Variants in GSN observed in about 807,000 individuals in gnomAD.
The protein encoded by GSN is gelsolin.
GSN carries 56 observed loss-of-function variants against 85.7 expected under a neutral mutation model. The observed-to-expected ratio is 0.65, with a 90% CI of 0.53 to 0.82. GSN has a LOEUF of 0.82. Ranked by LOEUF, GSN falls within the 40% of genes least tolerant of loss-of-function variation. The pLI is 0.00. For synonymous variants in GSN, 373 were observed against 399.1 expected (o/e 0.93, Z 0.78); for missense variants, 857 against 979.8 (o/e 0.87, Z 1.67).
In GSN at chr9:121,329,008, GT is replaced by G. The variant is rs763056885; in HGVS notation, c.1884del (p.Phe628LeufsTer2). 6 of 1,613,700 alleles carry G rather than the reference GT, an allele frequency of 3.7e-6. No individual in the cohort carries two copies. The highest frequency in any genetic ancestry group is 5.1e-6 in the Non-Finnish European group (6 of 1,180,016). Reference sequence around the variant, plus strand: ...TTTGCCTGCTCCAACAAGATTGGACGTTTTGTGGTGAGCCCCTGCGGAGGTC... The same window carrying G: ...TTTGCCTGCTCCAACAAGATTGGACGTTTGTGGTGAGCCCCTGCGGAGGTC... ...RLFACSNKIG[R>X]FVIEEVPGEL... On this transcript the variant is annotated frameshift_variant, in exon 15 of 18. Coordinates refer to ENST00000432226, the MANE Select transcript of GSN (RefSeq NM_198252.3). LOFTEE classifies it high-confidence loss of function. The surrounding 1 kb of genome is among the most constrained non-coding windows in gnomAD (Gnocchi z 4.6).
Position 121,219,259 on chromosome 9 carries a change from A to ATT in GSN, c.-528+8409_-528+8410dup, listed in dbSNP as rs34899791. Among the ~76,000 whole-genome samples the ATT allele has an allele frequency of 6.0e-4, 80 of 132,736 alleles. 3 individuals are homozygous for ATT. In the East Asian group the frequency reaches 0.015, roughly 25 times the overall value. The allele number at this position is 132,736 out of a possible 152,430, so 87.1% of individuals were successfully genotyped here. ...AATACCAGAAGGTTCAAGTTAGGGGATTTTTTTTTTTTTTTTTTAAATAGA... is the reference window on the plus strand; with the variant it reads ...AATACCAGAAGGTTCAAGTTAGGGGATTTTTTTTTTTTTTTTTTTTAAATAGA... On this transcript the variant is annotated intron_variant, in intron 4 of 24. Transcript: ENST00000373823.
chr9:121,203,899 A>G (rs1212307354), upstream of GSN, among the ~76,000 whole-genome samples: 3 of 152,184 alleles, frequency 2.0e-5, no homozygotes, highest in Non-Finnish European at 4.4e-5. Context: ...TCCTTTTGCA[A>G]CCCTAGAGGT....
At chr9:121,315,613 A>C (rs2061626650) in intron 7 of GSN, among the ~76,000 whole-genome samples, 1 of 151,916 alleles carries the variant, frequency 6.6e-6, no homozygotes, top group South Asian at 2.1e-4. Flanking sequence ...AAAATACAAA[A>C]TATTAGCCAG....
intron 6 of GSN, among the ~76,000 whole-genome samples, chr9:121,250,883 GT>G: frequency 7.3e-6 from 1 of 137,096 alleles, no homozygotes; most frequent in Non-Finnish European, 1.7e-5. Context: ...GTGTGTGTGT[GT>G]GTGTGTGTGT....
chr9:121,226,544 G>A (rs143286360), intron 4 of GSN, among the ~76,000 whole-genome samples: 1 of 152,304 alleles, frequency 6.6e-6, no homozygotes, highest in Non-Finnish European at 1.5e-5. Flanking sequence ...GAACAAGATG[G>A]CACAGGGTTA....
At chr9:121,253,969 C>G (rs79163088) in intron 6 of GSN, among the ~76,000 whole-genome samples, 4,054 of 152,250 alleles carry the variant, frequency 0.027, 192 homozygotes, top group African/African-American at 0.093. Flanking sequence ...GTCTCCTACT[C>G]TTTTGAGAAA....
chr9:121,235,793 C>T (rs1336702051), intron 5 of GSN, among the ~76,000 whole-genome samples: 1 of 152,198 alleles, frequency 6.6e-6, no homozygotes, highest in Non-Finnish European at 1.5e-5. Context: ...ACCCTAAACA[C>T]AAGCAAGGCT....
At chr9:121,289,991 G>A (rs1054609704) in intron 2 of GSN, among the ~76,000 whole-genome samples, 9 of 152,122 alleles carry the variant, frequency 5.9e-5, no homozygotes, top group African/African-American at 2.2e-4. Context: ...GGAAAAGATG[G>A]GGACACCAAA....
At chr9:121,315,625 C>A (rs1035039091) in intron 7 of GSN, among the ~76,000 whole-genome samples, 5 of 152,086 alleles carry the variant, frequency 3.3e-5, no homozygotes, top group Admixed American at 2.6e-4. Flanking sequence ...ATTAGCCAGG[C>A]GTGGTGGCGG....
intron 5 of GSN, among the ~76,000 whole-genome samples, chr9:121,246,133 G>C (rs941232455): frequency 3.9e-5 from 6 of 152,178 alleles, no homozygotes; most frequent in African/African-American, 1.4e-4. Flanking sequence ...GAAAGGAAAG[G>C]TATGTGAACA....
chr9:121,289,558 G>A lies in GSN; in HGVS notation c.-10+7996G>A, dbSNP rs181200515. ...CTGCTGTAGGAGGGGTTGGATGTGC[G>A]GAAGAGGAGGCCGTGGATTGCAGGC... On this transcript the variant is annotated intron_variant, in intron 2 of 17. Transcript: ENST00000432226. 2.6e-5 allele frequency among the ~76,000 whole-genome samples: 4 copies of A among 152,328 alleles called. No individual in the cohort carries two copies. In the East Asian group the frequency reaches 5.8e-4, roughly 22 times the overall value.
At chr9:121,282,406 C>A in intron 2 of GSN, 1 of 1,071,158 alleles carries the variant, frequency 9.3e-7, no homozygotes, top group Non-Finnish European at 1.2e-6. Flanking sequence ...GAAAACACCC[C>A]TCCAACCCAC....
chr9:121,314,305 G>A (rs2061486940), intron 7 of GSN, among the ~76,000 whole-genome samples: 1 of 152,248 alleles, frequency 6.6e-6, no homozygotes, highest in African/African-American at 2.4e-5. Flanking sequence ...CAGAATGGTC[G>A]ACTTTGTAGG....
In GSN at chr9:121,299,271, G is replaced by A. The variant is rs1021058869; in HGVS notation, c.-9-2692G>A. 8.1e-6 allele frequency: 8 copies of A among 984,968 alleles called. No individual in the cohort carries two copies. Among genetic ancestry groups the A allele is most frequent in the Non-Finnish European group, 9.6e-6 (8 of 829,476 alleles). The allele number at this position is 984,968 out of a possible 1,614,324, so 61.0% of individuals were successfully genotyped here. A position where few individuals can be genotyped will look rare whatever the true frequency, so the allele number is the denominator to read the frequency against. On this transcript the variant is annotated intron_variant, in intron 2 of 17. Transcript: ENST00000432226. This position sits in a 1 kb window ranked among gnomAD's most constrained non-coding sequence, Gnocchi z 4.2. Reference sequence around the variant, plus strand: ...AGTCCTGCCGGCTTCACCTGCCCACGGGAGCCGGGTCCCCTGCCCTGCTGC... The same window carrying A: ...AGTCCTGCCGGCTTCACCTGCCCACAGGAGCCGGGTCCCCTGCCCTGCTGC...
At chr9:121,222,268 GACAA>G (rs2054184626) in intron 4 of GSN, 1 of 152,122 alleles carries the variant, frequency 6.6e-6, no homozygotes, top group Non-Finnish European at 1.5e-5. Context: ...GAAATAGAAA[GACAA>G]ACATCTTTTT....
chr9:121,318,658 TC>T lies in GSN; in HGVS notation c.976-3del. Reference sequence around the variant, plus strand: ...CCACATCCTGCTCCTCTGCCTCCCCTCCCCAGGTCTCGGTCCTTCCTGAGGG... The same window carrying T: ...CCACATCCTGCTCCTCTGCCTCCCCTCCCAGGTCTCGGTCCTTCCTGAGGG... On this transcript the variant is annotated splice_polypyrimidine_tract_variant and splice_region_variant and intron_variant, in intron 9 of 17. Coordinates refer to ENST00000432226, the MANE Select transcript of GSN (RefSeq NM_198252.3). This position sits in a 1 kb window ranked among gnomAD's most constrained non-coding sequence, Gnocchi z 4.3. 6.2e-7 allele frequency: 1 copy of T among 1,605,728 alleles called. No homozygotes were observed. Among genetic ancestry groups the T allele is most frequent in the Non-Finnish European group, 8.5e-7 (1 of 1,172,430 alleles).
intron 17 of GSN, chr9:121,331,676 T>C: frequency 2.0e-6 from 1 of 504,872 alleles, no homozygotes; most frequent in Non-Finnish European, 3.6e-6. Flanking sequence ...AAGGCTCTCC[T>C]CTGTTCCAGG....
At chr9:121,323,848 A>T (rs553814410) in intron 11 of GSN, among the ~76,000 whole-genome samples, 121 of 152,318 alleles carry the variant, frequency 7.9e-4, no homozygotes, top group African/African-American at 2.4e-3. Flanking sequence ...TCAATTTGAC[A>T]ACCCCAGACA....
intron 2 of GSN, among the ~76,000 whole-genome samples, chr9:121,295,190 C>T (rs1486927480): frequency 6.6e-6 from 1 of 152,222 alleles, no homozygotes; most frequent in Non-Finnish European, 1.5e-5. Flanking sequence ...GCTCTAGGTA[C>T]CATTCTCCCC....
Sources: allele counts gnomAD v4.1 joint callset (sites outside exome capture counted in the v4.1 genomes callset), GRCh38; gene constraint gnomAD v4.1.1; non-coding constraint Gnocchi (gnomAD v3.1); transcripts MANE v1.5; gene names NCBI Gene and HGNC (gene_info 2026-07-23, HGNC 2026-07-21).